GPC6: variants seen among roughly 807,000 people sequenced by gnomAD.
GPC6 encodes glypican-6.
A neutral mutation model predicts 55.2 loss-of-function variants in GPC6; 14 were observed. The ratio of observed to expected loss-of-function variants is 0.25; its 90% CI spans 0.17 to 0.40. The LOEUF (loss-of-function observed/expected upper bound fraction) is 0.40. Among genes scored for constraint, GPC6 ranks in the 10% least tolerant of loss-of-function variants. The pLI is 1.00. For synonymous variants in GPC6, 278 were observed against 259.6 expected (o/e 1.07, Z -0.68); for missense variants, 641 against 708.5 (o/e 0.90, Z 1.08).
intron 1 of GPC6, among the ~76,000 whole-genome samples, chr13:93,536,649 C>T (rs1277315568): frequency 6.6e-6 from 1 of 152,108 alleles, no homozygotes. Context: ...TTGTTTCAAC[C>T]TTTTGGTTAT....
intron 6 of GPC6, among the ~76,000 whole-genome samples, chr13:94,377,649 G>A (rs1207806074): frequency 6.6e-6 from 1 of 151,672 alleles, no homozygotes; most frequent in Non-Finnish European, 1.5e-5. Context: ...GATTCCTCAG[G>A]GATCTAGAAC....
chr13:93,934,271 A>G (rs1387948480), intron 3 of GPC6, among the ~76,000 whole-genome samples: 3 of 152,206 alleles, frequency 2.0e-5, no homozygotes, highest in Non-Finnish European at 4.4e-5. Flanking sequence ...GCTGCTAAGT[A>G]TAAGTTATAG....
chr13:93,235,722 T>C (rs1328362), intron 1 of GPC6, among the ~76,000 whole-genome samples: 47,198 of 152,056 alleles, frequency 0.31, 7,474 homozygotes, highest in Admixed American at 0.4. Flanking sequence ...CTGTTGAAAC[T>C]CTCAACTCAA....
chr13:93,774,944 T>G (rs994759232), intron 2 of GPC6, among the ~76,000 whole-genome samples: 1 of 152,062 alleles, frequency 6.6e-6, no homozygotes, highest in Non-Finnish European at 1.5e-5. Flanking sequence ...TGGGAGGAGA[T>G]GCCATCTCAG....
chr13:93,995,445 C>T (rs1480996093), intron 3 of GPC6, among the ~76,000 whole-genome samples: 5 of 152,114 alleles, frequency 3.3e-5, no homozygotes, highest in African/African-American at 1.2e-4. Context: ...ACCTTGGCCT[C>T]CCAAAGTGCT....
chr13:93,741,509 A>G (rs1024576545), intron 2 of GPC6, among the ~76,000 whole-genome samples: 1 of 152,210 alleles, frequency 6.6e-6, no homozygotes, highest in South Asian at 2.1e-4. Flanking sequence ...TCTCATGCTC[A>G]TGCTCATCTC....
chr13:93,536,371 T>C (rs1456540180), intron 1 of GPC6, among the ~76,000 whole-genome samples: 2 of 152,166 alleles, frequency 1.3e-5, no homozygotes, highest in Non-Finnish European at 1.5e-5. Flanking sequence ...AATTCTATAA[T>C]CGTTTAACAG....
intron 3 of GPC6, among the ~76,000 whole-genome samples, chr13:94,014,233 C>A (rs1882367660): frequency 6.6e-6 from 1 of 152,168 alleles, no homozygotes; most frequent in Non-Finnish European, 1.5e-5. Flanking sequence ...TCATCTCCAC[C>A]AACCACCATT....
intron 4 of GPC6, among the ~76,000 whole-genome samples, chr13:94,030,109 T>C (rs1157031901): frequency 6.6e-6 from 1 of 151,832 alleles, no homozygotes; most frequent in Non-Finnish European, 1.5e-5. Context: ...TTCATGCCAT[T>C]CTCCTGTCTC....
intron 3 of GPC6, among the ~76,000 whole-genome samples, chr13:93,844,251 G>A (rs1308904776): frequency 1.3e-5 from 2 of 152,056 alleles, no homozygotes; most frequent in African/African-American, 4.8e-5. Context: ...TGATTCTCCT[G>A]CCTTAGCCTC....
chr13:93,832,746 A>C (rs73551731), intron 3 of GPC6, among the ~76,000 whole-genome samples: 5,683 of 152,218 alleles, frequency 0.037, 138 homozygotes, highest in South Asian at 0.065. Flanking sequence ...CTAACACGCT[A>C]TTCCTTCTGG....
chr13:94,402,005 T>C (rs1452277437), intron 8 of GPC6, among the ~76,000 whole-genome samples: 5 of 152,190 alleles, frequency 3.3e-5, no homozygotes, highest in Non-Finnish European at 7.3e-5. Flanking sequence ...AAATATATAC[T>C]TTTATGTAAA....
At chr13:93,951,436 G>C (rs1879248024) in intron 3 of GPC6, among the ~76,000 whole-genome samples, 1 of 152,086 alleles carries the variant, frequency 6.6e-6, no homozygotes, top group African/African-American at 2.4e-5. Flanking sequence ...TCTCCAGTAA[G>C]TCTTTTGTTC....
intron 3 of GPC6, among the ~76,000 whole-genome samples, chr13:93,864,533 A>G (rs1220545952): frequency 1.3e-5 from 2 of 151,694 alleles, no homozygotes; most frequent in African/African-American, 4.8e-5. Flanking sequence ...ATTCTGATGG[A>G]AGGAGATCTA....
At chr13:93,467,028 A>G (rs946262644) in intron 1 of GPC6, among the ~76,000 whole-genome samples, 3 of 152,230 alleles carry the variant, frequency 2.0e-5, no homozygotes, top group Admixed American at 6.5e-5. Context: ...AGTTGTCAAG[A>G]TGCAGTCAGG....
intron 6 of GPC6, among the ~76,000 whole-genome samples, chr13:94,335,014 A>C (rs1877608317): frequency 6.6e-6 from 1 of 152,216 alleles, no homozygotes; most frequent in African/African-American, 2.4e-5. Flanking sequence ...TCAGAGGTAG[A>C]AGTACATGCA....
intron 1 of GPC6, among the ~76,000 whole-genome samples, chr13:93,493,873 C>G (rs1227048280): frequency 8.7e-6 from 1 of 115,266 alleles, no homozygotes; most frequent in Admixed American, 8.7e-5. Flanking sequence ...TTTGATTGCA[C>G]TGTGGTCTGA....
At chr13:93,771,556 G>T (rs140685317) in intron 2 of GPC6, among the ~76,000 whole-genome samples, 1 of 152,088 alleles carries the variant, frequency 6.6e-6, no homozygotes, top group East Asian at 1.9e-4. Context: ...TTCACAACAA[G>T]CTGTGCAGTC....
intron 1 of GPC6, among the ~76,000 whole-genome samples, chr13:93,527,482 C>T (rs1881700387): frequency 6.6e-6 from 1 of 152,092 alleles, no homozygotes; most frequent in African/African-American, 2.4e-5. Context: ...AAAACCATGG[C>T]TGAGCTTTAA....
Sources: allele counts gnomAD v4.1 joint callset (sites outside exome capture counted in the v4.1 genomes callset), GRCh38; gene constraint gnomAD v4.1.1; transcripts MANE v1.5; gene names NCBI Gene and HGNC (gene_info 2026-07-23, HGNC 2026-07-21).